The following RND1 variants were observed in gnomAD, a reference collection of about 807,000 sequenced individuals.
RND1 encodes the protein rho-related GTP-binding protein Rho6.
A neutral mutation model predicts 27.1 loss-of-function variants in RND1; 9 were observed. The ratio of observed to expected loss-of-function variants is 0.33; its 90% CI spans 0.20 to 0.58. The LOEUF (loss-of-function observed/expected upper bound fraction) is 0.58. Among genes scored for constraint, RND1 ranks in the 20% least tolerant of loss-of-function variants. RND1 has a pLI of 0.86. For synonymous variants in RND1, 108 were observed against 115.7 expected, an observed-to-expected ratio of 0.93 and a Z score of 0.43; for missense variants, 253 against 292.2, an observed-to-expected ratio of 0.87 and a Z score of 0.98.
chr12:48,862,238 G>T, intron 2 of RND1, 120 bp from the exon 3 acceptor site: 1 of 620,042 alleles, frequency 1.6e-6, no homozygotes, highest in East Asian at 2.7e-5. Context: ...ATCTCCCAGG[G>T]GGAATGTACT....
At chr12:48,864,428 C>CGTGTGT (rs1555172274) in intron 2 of RND1, among the ~76,000 whole-genome samples, 3 of 147,466 alleles carry the variant, frequency 2.0e-5, no homozygotes, top group Non-Finnish European at 4.4e-5. Flanking sequence ...CGCGCGCGCG[C>CGTGTGT]GTGTGTGTGC....
rs1203347703 is a variant in RND1, at chr12:48,857,918, G to A, written c.*78C>T. The A allele has an allele frequency of 1.6e-5, 24 of 1,503,136 alleles. No homozygotes were observed. Among genetic ancestry groups the A allele is most frequent in the Non-Finnish European group, 2.1e-5 (23 of 1,121,276 alleles). 93.1% of individuals were successfully genotyped at this position (1,503,136 alleles called of 1,614,324 possible). On this transcript the variant is annotated 3_prime_UTR_variant, in exon 5 of 5. Coordinates refer to ENST00000309739, the MANE Select transcript of RND1 (RefSeq NM_014470.4). ...AAACTCATGTCCAGTGTCCTAAATT[G>A]TCTCATCCTCCCTCTCCCCGTGCCT...
Position 48,857,573 on chromosome 12 carries a change from T to A in RND1, c.*423A>T, listed in dbSNP as rs1938860159. The A allele has an allele frequency of 6.4e-6, 1 of 156,808 alleles. No homozygotes were observed. The highest frequency in any genetic ancestry group is 1.4e-5 in the Non-Finnish European group (1 of 70,906). 9.7% of individuals were successfully genotyped at this position (156,808 alleles called of 1,614,324 possible). ...GCTCCACTTCCCCACTCTCCGTTGC[T>A]GCCTCCTTAGAGGGGAAGGGAAGGG... is the stretch of plus-strand genomic sequence containing the variant. On this transcript the variant is annotated 3_prime_UTR_variant, in exon 5 of 5. Coordinates refer to ENST00000309739, the MANE Select transcript of RND1 (RefSeq NM_014470.4).
At chr12:48,860,131 G>C (rs1938901786) in intron 4 of RND1, among the ~76,000 whole-genome samples, 1 of 150,494 alleles carries the variant, frequency 6.6e-6, no homozygotes, top group Non-Finnish European at 1.5e-5. Context: ...TCGCCCAGGT[G>C]GGAGTGCAGT....
At position 48,858,239 on chromosome 12, in the gene RND1, A is replaced by G. The variant is rs766503026; in HGVS notation, c.456T>C (p.Gly152=). The G allele has an allele frequency of 4.0e-5, 64 of 1,613,676 alleles. No individual in the cohort carries two copies. The Admixed American group carries it at 5.7e-4, about 14-fold the overall frequency. Residue 152 remains glycine (G), a splice_region_variant and synonymous_variant, in exon 5 of 5, where the codon GGT becomes GGC. Transcript: ENST00000309739. ...CACCCAGCTGCTTTGCTATTGCACA[A>G]CCCTGCAGGAGGGGGTGAGGGCATT... The part of the protein sequence containing the change: ...QKQAPISYEQ[G]CAIAKQLGAE...
chr12:48,861,229 A>C, intron 3 of RND1, 98 bp from the exon 4 acceptor site: 1 of 1,165,862 alleles, frequency 8.6e-7, no homozygotes, highest in East Asian at 2.4e-5. Context: ...AACGTCACAC[A>C]CATCACCTCA....
chr12:48,864,201 C>T (rs1048195693), intron 2 of RND1, among the ~76,000 whole-genome samples: 13 of 152,078 alleles, frequency 8.5e-5, no homozygotes, highest in African/African-American at 2.2e-4. Context: ...CGAGCTGCAG[C>T]GGTGTGACGA....
intron 4 of RND1, among the ~76,000 whole-genome samples, chr12:48,860,612 G>A (rs1188964059): frequency 1.4e-5 from 2 of 141,502 alleles, no homozygotes; most frequent in East Asian, 4.3e-4. Flanking sequence ...TGTTGCCCAG[G>A]CTTATCTCAA....
At chr12:48,861,221 C>T (rs967476025) in intron 3 of RND1, 90 bp from the exon 4 acceptor site, 102 of 1,315,856 alleles carry the variant, frequency 7.8e-5, no homozygotes, top group Non-Finnish European at 9.0e-5. Flanking sequence ...TGGCTGGCAA[C>T]GTCACACACA....
At position 48,857,745 on chromosome 12, in the gene RND1, G is replaced by T. The variant is rs990153812; in HGVS notation, c.*251C>A. ...CAGCTTTCCTTCCTCTGGAGCGGGG[G>T]GGGCACTGGGGTAGTCGCCCCCTCC... On this transcript the variant is annotated 3_prime_UTR_variant, in exon 5 of 5. Coordinates refer to ENST00000309739, the MANE Select transcript of RND1 (RefSeq NM_014470.4). 4 of 361,502 alleles carry T rather than the reference G, an allele frequency of 1.1e-5. No homozygotes were observed. The highest frequency in any genetic ancestry group is 2.1e-5 in the African/African-American group (1 of 47,354). The allele number at this position is 361,502 out of a possible 1,614,324, so 22.4% of individuals were successfully genotyped here. A position where few individuals can be genotyped will look rare whatever the true frequency, so the allele number is the denominator to read the frequency against.
Position 48,858,159 on chromosome 12 carries a change from A to G in RND1, c.536T>C (p.Ile179Thr). 1 of 1,614,082 alleles carries G rather than the reference A, an allele frequency of 6.2e-7. No homozygotes were observed. Among genetic ancestry groups the G allele is most frequent in the Non-Finnish European group, 8.5e-7 (1 of 1,180,004 alleles). The change falls in exon 5 of 5, where the codon ATC becomes ACC. Residue 179 changes from isoleucine to threonine, a missense_variant. Physicochemically the swap from Ile to Thr is moderately conservative, Grantham distance 89. Coordinates refer to ENST00000309739, the MANE Select transcript of RND1 (RefSeq NM_014470.4). Reference sequence around the variant, plus strand: ...ACACAGCATGGATGCCGTCCGAAAGATGCTGTGGATGCTCTTTTCTGAGGT... The same window carrying G: ...ACACAGCATGGATGCCGTCCGAAAGGTGCTGTGGATGCTCTTTTCTGAGGT... The part of the protein sequence containing the change: ...AFTSEKSIHS[I>T]FRTASMLCLN...
chr12:48,857,940 G>T lies in RND1; in HGVS notation c.*56C>A. On this transcript the variant is annotated 3_prime_UTR_variant, in exon 5 of 5. Coordinates refer to ENST00000309739, the MANE Select transcript of RND1 (RefSeq NM_014470.4). ...ATTGTCTCATCCTCCCTCTCCCCGT[G>T]CCTCTGCACCCCAAGGGAGGAAGTA... 2 of 1,529,998 alleles carry T rather than the reference G, an allele frequency of 1.3e-6. No homozygotes were observed. The highest frequency in any genetic ancestry group is 1.8e-6 in the Non-Finnish European group (2 of 1,139,520). 94.8% of individuals were successfully genotyped at this position (1,529,998 alleles called of 1,614,324 possible). A position where few individuals can be genotyped will look rare whatever the true frequency, so the allele number is the denominator to read the frequency against.
In RND1 at chr12:48,865,629, G is replaced by C. The variant is rs1462418063; in HGVS notation, c.120+19C>G. On this transcript the variant is annotated intron_variant, in intron 1 of 4. Transcript: ENST00000309739. ...CAGGCAGGGAGAAAAGCCGGCCAGC[G>C]GGCGGGCGGGCAGCTCACCTCTGGA... 4 of 1,604,358 alleles carry C rather than the reference G, an allele frequency of 2.5e-6. No individual in the cohort carries two copies. The highest frequency in any genetic ancestry group is 3.4e-6 in the Non-Finnish European group (4 of 1,175,536).
At chr12:48,860,974 C>T in intron 4 of RND1, 23 bp downstream of exon 4, 1 of 1,612,542 alleles carries the variant, frequency 6.2e-7, no homozygotes, top group Non-Finnish European at 8.5e-7. Context: ...CACCCCACGA[C>T]ATGCACTTGC....
intron 2 of RND1, 39 bp downstream of exon 2, chr12:48,864,729 CTACACAGCAGACCAG>C: frequency 7.8e-7 from 1 of 1,282,846 alleles, no homozygotes; most frequent in Non-Finnish European, 1.1e-6. Flanking sequence ...AAGACAGCAG[CTACACAGCAGACCAG>C]TAGGGGTGGG....
At position 48,857,867 on chromosome 12, in the gene RND1, C is replaced by T. The variant is rs1167643380; in HGVS notation, c.*129G>A. On this transcript the variant is annotated 3_prime_UTR_variant, in exon 5 of 5. Coordinates refer to ENST00000309739, the MANE Select transcript of RND1 (RefSeq NM_014470.4). ...TTCCTCGCCCCATTCCTGTCTCCTT[C>T]CAAGCCCTCACCGTGGCCATCTGAA... 6 of 1,154,268 alleles carry T rather than the reference C, an allele frequency of 5.2e-6. No homozygotes were observed. Among genetic ancestry groups the T allele is most frequent in the Admixed American group, 2.8e-5 (1 of 35,316 alleles). 71.5% of individuals were successfully genotyped at this position (1,154,268 alleles called of 1,614,324 possible). A position where few individuals can be genotyped will look rare whatever the true frequency, so the allele number is the denominator to read the frequency against.
chr12:48,863,429 G>C (rs151329872), intron 2 of RND1, among the ~76,000 whole-genome samples: 19 of 152,108 alleles, frequency 1.2e-4, no homozygotes, highest in African/African-American at 4.1e-4. Flanking sequence ...GGGAGGAGGT[G>C]GGGGGAGGGC....
At position 48,858,143 on chromosome 12, in the gene RND1, G is replaced by GGAT; in HGVS notation, c.549_551dup (p.Ser184dup). 6.2e-7 allele frequency: 1 copy of GGAT among 1,614,134 alleles called. No individual in the cohort carries two copies. The highest frequency in any genetic ancestry group is 1.1e-5 in the South Asian group (1 of 91,078). On this transcript the variant is annotated inframe_insertion, in exon 5 of 5. Coordinates refer to ENST00000309739, the MANE Select transcript of RND1 (RefSeq NM_014470.4). The stretch of plus-strand genomic sequence containing the variant: ...GGCTAGGCTTGTTCAGACACAGCAT[G>GGAT]GATGCCGTCCGAAAGATGCTGTGGA...
chr12:48,861,363 C>G (rs1047377269), intron 3 of RND1, among the ~76,000 whole-genome samples: 2 of 152,154 alleles, frequency 1.3e-5, no homozygotes, highest in African/African-American at 4.8e-5. Flanking sequence ...TTCCCCCAGT[C>G]TATGGCTCAG....
Sources: allele counts gnomAD v4.1 joint callset (sites outside exome capture counted in the v4.1 genomes callset), GRCh38; gene constraint gnomAD v4.1.1; transcripts MANE v1.5; gene names NCBI Gene and HGNC (gene_info 2026-07-23, HGNC 2026-07-21).